The following TSACC variants were observed in gnomAD, a reference collection of about 807,000 sequenced individuals.
TSACC encodes the protein TSSK6 activating cochaperone.
Under a neutral mutation model 6.9 loss-of-function variants are expected in TSACC, and 3 were observed. That is an observed-to-expected ratio of 0.43 (90% confidence interval 0.20 to 1.12). The LOEUF (loss-of-function observed/expected upper bound fraction) is 1.12, where lower values mean the gene tolerates loss of function less well. Among genes scored for constraint, TSACC ranks in the 50% most tolerant of loss-of-function variants. The pLI is 0.28. For missense variants in TSACC, 137 were observed against 143.9 expected (o/e 0.95, Z 0.24); for synonymous variants, 54 against 55.1 (o/e 0.98, Z 0.09).
At chr1:156,345,557 C>G (rs1460607576) in intron 3 of TSACC, among the ~76,000 whole-genome samples, 1 of 148,486 alleles carries the variant, frequency 6.7e-6, no homozygotes, top group Non-Finnish European at 1.5e-5. Context: ...GAGTGAAACT[C>G]CATCTCAAAA....
At chr1:156,342,782 C>G (rs1261568914) in intron 2 of TSACC, among the ~76,000 whole-genome samples, 1 of 152,226 alleles carries the variant, frequency 6.6e-6, no homozygotes, top group Non-Finnish European at 1.5e-5. Context: ...TTCTGTTTAG[C>G]AAACTGTGGT....
chr1:156,339,624 TCC>T lies in TSACC; in HGVS notation c.-124-9_-124-8del. On this transcript the variant is annotated splice_polypyrimidine_tract_variant and splice_region_variant and intron_variant, in intron 1 of 3. Transcript: ENST00000368254. ...CCATGAAATAGAGTTTCCTACTTTT[TCC>T]TCTGCAGATTGGAACAGGCTGAGAT... 1 of 1,102,046 alleles carries T rather than the reference TCC, an allele frequency of 9.1e-7. No homozygotes were observed. The allele number at this position is 1,102,046 out of a possible 1,614,324, so 68.3% of individuals were successfully genotyped here.
chr1:156,337,454 T>TGACC (rs1665459114), upstream of TSACC: 1 of 176,394 alleles, frequency 5.7e-6, no homozygotes, highest in Non-Finnish European at 1.2e-5. Context: ...AAGGAAAAGG[T>TGACC]GACCAGTCGA....
chr1:156,339,260 C>T (rs1158793328), intron 1 of TSACC, among the ~76,000 whole-genome samples: 8 of 116,244 alleles, frequency 6.9e-5, no homozygotes, highest in Non-Finnish European at 1.2e-4. Flanking sequence ...GAGACTCCAT[C>T]TCAAAAAAAA....
chr1:156,341,832 G>A (rs896385032), intron 2 of TSACC, among the ~76,000 whole-genome samples: 2 of 152,128 alleles, frequency 1.3e-5, no homozygotes, highest in African/African-American at 4.8e-5. Context: ...GGAAGGCTGA[G>A]GCAGGCAGAT....
upstream of TSACC, chr1:156,338,242 A>C (rs1570944404): frequency 1.2e-6 from 1 of 815,370 alleles, no homozygotes; most frequent in African/African-American, 1.6e-5. Context: ...AACCTTCTGG[A>C]GAGAGAGAAC....
intron 2 of TSACC, among the ~76,000 whole-genome samples, chr1:156,344,108 A>G (rs1312106002): frequency 1.3e-5 from 2 of 152,184 alleles, no homozygotes; most frequent in Non-Finnish European, 2.9e-5. Context: ...CTCGCTACTC[A>G]TATTGATCTC....
intron 3 of TSACC, among the ~76,000 whole-genome samples, chr1:156,345,398 AC>A (rs1396012284): frequency 6.6e-6 from 1 of 151,744 alleles, no homozygotes; most frequent in Non-Finnish European, 1.5e-5. Flanking sequence ...CCCTGTCTCT[AC>A]TAAAAATACA....
chr1:156,337,514 G>T, upstream of TSACC: 1 of 168,442 alleles, frequency 5.9e-6, no homozygotes, highest in Non-Finnish European at 1.3e-5. Flanking sequence ...CAACGCCGGG[G>T]ACACGGAGGG....
At chr1:156,346,716 C>G in intron 3 of TSACC, 52 bp from the exon 4 acceptor site, 1 of 1,577,184 alleles carries the variant, frequency 6.3e-7, no homozygotes, top group Non-Finnish European at 8.7e-7. Context: ...AGTACAATTA[C>G]CAAATCTCTC....
upstream of TSACC, among the ~76,000 whole-genome samples, chr1:156,338,000 G>A (rs553878510): frequency 2.7e-4 from 41 of 151,416 alleles, no homozygotes; most frequent in Non-Finnish European, 5.0e-4. Flanking sequence ...GTTAAGAGAA[G>A]AGAGGAAAGC....
rs1346470073 is a variant in TSACC at position 156,338,534 on chromosome 1, A to C, written c.-196A>C. 2.1e-6 allele frequency: 1 copy of C among 471,122 alleles called. No homozygotes were observed. Among genetic ancestry groups the C allele is most frequent in the Non-Finnish European group, 3.9e-6 (1 of 258,702 alleles). The allele number at this position is 471,122 out of a possible 1,614,324, so 29.2% of individuals were successfully genotyped here. On this transcript the variant is annotated 5_prime_UTR_variant, in exon 1 of 4. Transcript: ENST00000368254. ...GGCGCCAAGGCTCTGGCAGTTGGCC[A>C]GCACACCACTACGCATGTGTGTCAA...
chr1:156,339,751 T>C lies in TSACC; in HGVS notation c.-7T>C. 6.2e-7 allele frequency: 1 copy of C among 1,614,142 alleles called. No individual in the cohort carries two copies. Among genetic ancestry groups the C allele is most frequent in the Non-Finnish European group, 8.5e-7 (1 of 1,180,000 alleles). On this transcript the variant is annotated 5_prime_UTR_variant, in exon 2 of 4. Transcript: ENST00000368254. ...CTTTCCCAGGCACCACACCTGTTGG[T>C]GTTCAGATGGAGCGGCACACTAGTC...
intron 3 of TSACC, 107 bp from the exon 4 acceptor site, chr1:156,346,661 C>T: frequency 9.0e-7 from 1 of 1,107,652 alleles, no homozygotes; most frequent in Non-Finnish European, 1.3e-6. Flanking sequence ...TGGGTTGTGC[C>T]TGGAAAGATT....
chr1:156,344,426 A>G (rs180730187), intron 2 of TSACC, among the ~76,000 whole-genome samples, 154 bp from the exon 3 acceptor site: 1 of 152,242 alleles, frequency 6.6e-6, no homozygotes, highest in African/African-American at 2.4e-5. Context: ...TCTTAATCCT[A>G]TTATGATTTC....
Position 156,344,704 on chromosome 1 carries a change from C to G in TSACC, c.159C>G (p.Pro53=). ...TFLNIQTTKL[P]SVDHKPKECL... Reference sequence around the variant, plus strand: ...TGAACATCCAGACAACAAAGCTGCCCTCGGGTAAGGATGTAGGGAGGGTTT... The same window carrying G: ...TGAACATCCAGACAACAAAGCTGCCGTCGGGTAAGGATGTAGGGAGGGTTT... The change falls in exon 3 of 4, where the codon CCC becomes CCG. Residue 53 remains proline, a synonymous_variant. Transcript: ENST00000368254. 6.2e-7 allele frequency: 1 copy of G among 1,613,896 alleles called. No individual in the cohort carries two copies. The highest frequency in any genetic ancestry group is 8.5e-7 in the Non-Finnish European group (1 of 1,179,932).
upstream of TSACC, chr1:156,337,829 C>T (rs2101688369): frequency 2.4e-6 from 1 of 422,200 alleles, no homozygotes; most frequent in East Asian, 3.9e-5. Flanking sequence ...CGTGCAGCTA[C>T]ATAGCGACAA....
upstream of TSACC, chr1:156,338,226 C>A (rs1279561322): frequency 6.4e-7 from 1 of 1,567,510 alleles, no homozygotes; most frequent in South Asian, 1.2e-5. Flanking sequence ...CTGGGGGAAC[C>A]GGCAGAACCT....
intron 3 of TSACC, among the ~76,000 whole-genome samples, chr1:156,345,657 C>G (rs928629560): frequency 2.0e-5 from 3 of 151,740 alleles, no homozygotes; most frequent in African/African-American, 7.3e-5. Flanking sequence ...TACCTGAGGT[C>G]AGGAGTTTGA....
Sources: gnomAD v4.1 joint callset for allele counts (sites outside exome capture counted in the v4.1 genomes callset) on GRCh38, gnomAD v4.1.1 for gene constraint, MANE v1.5 for transcripts, NCBI Gene and HGNC (gene_info 2026-07-23, HGNC 2026-07-21) for gene names.